BMPR1A: variants seen among roughly 807,000 people sequenced by gnomAD.
The protein encoded by BMPR1A is bone morphogenetic protein receptor type-1A.
A neutral mutation model predicts 66.0 loss-of-function variants in BMPR1A; 7 were observed. That is an observed-to-expected ratio of 0.11 (90% CI 0.06 to 0.20). The LOEUF (loss-of-function observed/expected upper bound fraction) is 0.20, where lower values mean the gene tolerates loss of function less well. Among genes scored for constraint, BMPR1A ranks in the 10% least tolerant of loss-of-function variants. The pLI is 1.00. For missense variants in BMPR1A, 408 were observed against 669.1 expected, an observed-to-expected ratio of 0.61 and a Z score of 4.31; for synonymous variants, 200 against 229.7, an observed-to-expected ratio of 0.87 and a Z score of 1.17.
intron 1 of BMPR1A, among the ~76,000 whole-genome samples, chr10:86,803,933 G>T (rs1275402258): frequency 1.3e-5 from 2 of 152,056 alleles, no homozygotes; most frequent in African/African-American, 4.8e-5. Context: ...TCTTTCACAA[G>T]TCTTCTTTTT....
intron 2 of BMPR1A, among the ~76,000 whole-genome samples, chr10:86,841,686 T>A (rs1335030069): frequency 1.3e-5 from 2 of 152,194 alleles, no homozygotes; most frequent in African/African-American, 4.8e-5. Flanking sequence ...AACTGGTAGA[T>A]GACAGCCCCC....
At chr10:86,829,788 G>C (rs1842243441) in intron 1 of BMPR1A, among the ~76,000 whole-genome samples, 1 of 152,218 alleles carries the variant, frequency 6.6e-6, no homozygotes, top group East Asian at 1.9e-4. Context: ...TCCATGGTTT[G>C]TTTAACCATT....
chr10:86,902,772 G>A (rs913940190), intron 7 of BMPR1A, among the ~76,000 whole-genome samples: 1 of 152,196 alleles, frequency 6.6e-6, no homozygotes, highest in African/African-American at 2.4e-5. Flanking sequence ...ATCACAGGGG[G>A]AACCCAGGTG....
At chr10:86,852,843 C>G (rs1198728787) in intron 2 of BMPR1A, among the ~76,000 whole-genome samples, 1 of 152,042 alleles carries the variant, frequency 6.6e-6, no homozygotes, top group East Asian at 1.9e-4. Context: ...ATTATGTGCA[C>G]TTTACACAAG....
intron 8 of BMPR1A, among the ~76,000 whole-genome samples, chr10:86,912,587 A>C (rs1221453392): frequency 3.3e-5 from 5 of 152,242 alleles, no homozygotes; most frequent in Non-Finnish European, 5.9e-5. Context: ...ATAGTCAAGT[A>C]AGATAGAGCT....
At chr10:86,860,968 A>T (rs1366304987) in intron 2 of BMPR1A, among the ~76,000 whole-genome samples, 1 of 147,018 alleles carries the variant, frequency 6.8e-6, no homozygotes, top group Non-Finnish European at 1.5e-5. Flanking sequence ...CAGCCTCCCC[A>T]GTAGCTGGGA....
intron 1 of BMPR1A, among the ~76,000 whole-genome samples, chr10:86,828,537 C>T (rs1026035081): frequency 7.9e-5 from 12 of 152,196 alleles, no homozygotes; most frequent in Non-Finnish European, 1.3e-4. Flanking sequence ...TGTATTGTAG[C>T]ATAACTCTGG....
At chr10:86,781,087 C>T (rs766558174) in intron 1 of BMPR1A, among the ~76,000 whole-genome samples, 17 of 152,116 alleles carry the variant, frequency 1.1e-4, no homozygotes, top group Admixed American at 2.0e-4. Flanking sequence ...AACTCTTGAC[C>T]TGGTGATCCG....
Position 86,899,931 on chromosome 10 carries a change from T to C in BMPR1A, c.430+41T>C, listed in dbSNP as rs777675370. The stretch of plus-strand genomic sequence containing the variant: ...AAAGTCGGAGCATGCTTCTCAAATA[T>C]CTTCTCTGGTTTTACAGTAACCAGG... On this transcript the variant is annotated intron_variant, in intron 6 of 12. Transcript: ENST00000372037. 2.5e-5 allele frequency: 41 copies of C among 1,609,954 alleles called. No homozygotes were observed. Among genetic ancestry groups the C allele is most frequent in the Non-Finnish European group, 3.5e-5 (41 of 1,176,320 alleles).
intron 2 of BMPR1A, among the ~76,000 whole-genome samples, chr10:86,869,032 T>C (rs1842820471): frequency 6.6e-6 from 1 of 152,222 alleles, no homozygotes; most frequent in Non-Finnish European, 1.5e-5. Flanking sequence ...TTATGCAGCA[T>C]GTCAAATATC....
At chr10:86,811,406 TTG>T (rs1404245860) in intron 1 of BMPR1A, among the ~76,000 whole-genome samples, 2 of 152,198 alleles carry the variant, frequency 1.3e-5, no homozygotes, top group African/African-American at 4.8e-5. Flanking sequence ...GCTTGTATTT[TTG>T]TGTGTCTTAA....
rs777389675 is a variant in BMPR1A at position 86,899,871 on chromosome 10, A to G, written c.411A>G (p.Thr137=). The G allele has an allele frequency of 1.9e-6, 3 of 1,614,136 alleles. No homozygotes were observed. Among genetic ancestry groups the G allele is most frequent in the Non-Finnish European group, 2.5e-6 (3 of 1,179,982 alleles). ...TNLCNQYLQP[T]LPPVVIGPFF... ...TATGTAACCAGTATTTGCAACCCAC[A>G]CTGCCCCCTGTTGTCATAGGTAGGT... Residue 137 remains threonine, a synonymous_variant, in exon 6 of 13, where the codon ACA becomes ACG. Coordinates refer to ENST00000372037, the MANE Select transcript of BMPR1A (RefSeq NM_004329.3).
At chr10:86,901,672 C>T (rs1307281915) in intron 7 of BMPR1A, among the ~76,000 whole-genome samples, 1 of 152,090 alleles carries the variant, frequency 6.6e-6, no homozygotes, top group Non-Finnish European at 1.5e-5. Context: ...TTTTAGTGGA[C>T]TAGTAAAAGC....
intron 7 of BMPR1A, among the ~76,000 whole-genome samples, chr10:86,910,221 C>T (rs1412753660): frequency 1.3e-5 from 2 of 152,020 alleles, no homozygotes; most frequent in Non-Finnish European, 2.9e-5. Context: ...CCTGTAATCC[C>T]AGCTACTCGG....
chr10:86,770,859 C>A (rs759582625), intron 1 of BMPR1A, among the ~76,000 whole-genome samples: 1 of 152,112 alleles, frequency 6.6e-6, no homozygotes, highest in Non-Finnish European at 1.5e-5. Flanking sequence ...GTGTTTGTAC[C>A]GATTTCAGAC....
intron 1 of BMPR1A, among the ~76,000 whole-genome samples, chr10:86,831,858 C>T (rs952578364): frequency 6.6e-6 from 1 of 152,070 alleles, no homozygotes; most frequent in Non-Finnish European, 1.5e-5. Flanking sequence ...TCTTCAATGC[C>T]ATTTGTCATT....
At chr10:86,907,989 T>G (rs1304561855) in intron 7 of BMPR1A, among the ~76,000 whole-genome samples, 10 of 152,198 alleles carry the variant, frequency 6.6e-5, no homozygotes, top group Non-Finnish European at 5.9e-5. Flanking sequence ...AATTGTAATA[T>G]TCCCAACACA....
intron 1 of BMPR1A, among the ~76,000 whole-genome samples, chr10:86,781,373 T>C (rs1841435091): frequency 1.3e-5 from 2 of 152,210 alleles, no homozygotes; most frequent in East Asian, 1.9e-4. Context: ...GTTCTCTGTT[T>C]TGTTCCATTA....
intron 1 of BMPR1A, among the ~76,000 whole-genome samples, chr10:86,775,936 C>T (rs1343427964): frequency 6.6e-6 from 1 of 152,148 alleles, no homozygotes. Flanking sequence ...TTCGGCTGCT[C>T]ACCCTGGGGT....
Sources: allele counts gnomAD v4.1 joint callset (sites outside exome capture counted in the v4.1 genomes callset), GRCh38; gene constraint gnomAD v4.1.1; transcripts MANE v1.5; gene names NCBI Gene and HGNC (gene_info 2026-07-23, HGNC 2026-07-21).